The following ARMH3 variants were observed in gnomAD, a reference collection of about 807,000 sequenced individuals.
ARMH3 encodes armadillo-like helical domain-containing protein 3.
ARMH3 carries 60 observed loss-of-function variants against 99.1 expected under a neutral mutation model. That is an observed-to-expected ratio of 0.61 (90% CI 0.49 to 0.75). The LOEUF (loss-of-function observed/expected upper bound fraction) is 0.75. Among genes scored for constraint, ARMH3 ranks in the 30% least tolerant of loss-of-function variants. The probability of loss-of-function intolerance (pLI) is 0.00; values close to 1 mark genes in which losing one functional copy is unlikely to be tolerated. For missense variants in ARMH3, 679 were observed against 843.1 expected (o/e 0.81, Z 2.41); for synonymous variants, 285 against 292.8 (o/e 0.97, Z 0.27).
intron 24 of ARMH3, among the ~76,000 whole-genome samples, chr10:101,885,052 A>C (rs2067507154): frequency 6.6e-6 from 1 of 152,234 alleles, no homozygotes; most frequent in Admixed American, 6.6e-5. Flanking sequence ...TAATATGTAC[A>C]TGAAGAGATG....
chr10:101,950,054 G>A (rs1844718222), intron 22 of ARMH3, among the ~76,000 whole-genome samples: 1 of 152,102 alleles, frequency 6.6e-6, no homozygotes, highest in Non-Finnish European at 1.5e-5. Context: ...CACACTTAAT[G>A]GAGGATAACC....
chr10:101,852,045 A>C (rs2066614649), intron 24 of ARMH3, among the ~76,000 whole-genome samples: 2 of 147,864 alleles, frequency 1.4e-5, no homozygotes, highest in South Asian at 4.3e-4. Flanking sequence ...CAAGATGGAA[A>C]TCAGCCCCTA....
intron 24 of ARMH3, among the ~76,000 whole-genome samples, chr10:101,859,171 T>G (rs2066803290): frequency 6.6e-6 from 1 of 152,320 alleles, no homozygotes; most frequent in African/African-American, 2.4e-5. Context: ...GTCAGCTGCT[T>G]AACTGACCAG....
At chr10:102,025,685 C>CT (rs948540640) in intron 5 of ARMH3, among the ~76,000 whole-genome samples, 2 of 152,096 alleles carry the variant, frequency 1.3e-5, no homozygotes, top group African/African-American at 4.8e-5. Context: ...CTCACTCTGT[C>CT]TGTCAGTCAG....
At chr10:102,039,223 C>A (rs2067351181) in intron 2 of ARMH3, among the ~76,000 whole-genome samples, 1 of 152,018 alleles carries the variant, frequency 6.6e-6, no homozygotes. Flanking sequence ...CGGCTCACTG[C>A]AACCTCTGCC....
At chr10:101,886,405 G>T (rs1323968704) in intron 24 of ARMH3, among the ~76,000 whole-genome samples, 1 of 151,848 alleles carries the variant, frequency 6.6e-6, no homozygotes. Flanking sequence ...AGCTACCTGG[G>T]AGGCTGAGGC....
chr10:102,049,651 G>A (rs1301743837), intron 1 of ARMH3, among the ~76,000 whole-genome samples: 1 of 150,220 alleles, frequency 6.7e-6, no homozygotes, highest in African/African-American at 2.5e-5. Flanking sequence ...GCTCACTGCA[G>A]CCTCAGGGAT....
chr10:102,022,118 T>C (rs1439183589), intron 8 of ARMH3, among the ~76,000 whole-genome samples: 3 of 152,170 alleles, frequency 2.0e-5, no homozygotes, highest in African/African-American at 7.2e-5. Flanking sequence ...AGGTATGTAG[T>C]AGGCTATACC....
chr10:101,961,685 T>C (rs962121512), intron 20 of ARMH3, among the ~76,000 whole-genome samples: 1 of 152,134 alleles, frequency 6.6e-6, no homozygotes, highest in Non-Finnish European at 1.5e-5. Context: ...TCACCCCCTC[T>C]ACATACACAC....
At chr10:101,900,064 T>C (rs1411007832) in intron 23 of ARMH3, among the ~76,000 whole-genome samples, 1 of 152,222 alleles carries the variant, frequency 6.6e-6, no homozygotes, top group Non-Finnish European at 1.5e-5. Context: ...GTCTACTTTT[T>C]ATTAAATCTT....
At position 101,975,311 on chromosome 10, in the gene ARMH3, G is replaced by A. The variant is rs760685897; in HGVS notation, c.1407-11C>T. On this transcript the variant is annotated splice_polypyrimidine_tract_variant and intron_variant, in intron 19 of 25. Transcript: ENST00000370033. ...ACCTGGATGCAGCGTCTGTAACAGGGAAAGCAAAAAATGAGGGTAAGCCTG... is the reference window on the plus strand; with the variant it reads ...ACCTGGATGCAGCGTCTGTAACAGGAAAAGCAAAAAATGAGGGTAAGCCTG... The A allele has an allele frequency of 1.7e-5, 27 of 1,607,260 alleles. No homozygotes were observed. Among genetic ancestry groups the A allele is most frequent in the Middle Eastern group, 1.7e-4 (1 of 6,050 alleles).
In ARMH3 at chr10:101,936,415, C is replaced by A. The variant is rs1843977399; in HGVS notation, c.1781+3448G>T. On this transcript the variant is annotated intron_variant, in intron 23 of 25. Coordinates refer to ENST00000370033, the MANE Select transcript of ARMH3 (RefSeq NM_024541.3). ...GCTGAGGCAGCAGAATCACTTGAAC[C>A]TAAGAGACAGAGATTGCAGTGAGTA... Among the ~76,000 whole-genome samples, 3 of 149,970 alleles carry A rather than the reference C, an allele frequency of 2.0e-5. No homozygotes were observed. In the South Asian group the frequency reaches 6.3e-4, roughly 32 times the overall value.
chr10:101,978,666 C>T (rs924079630), intron 19 of ARMH3, among the ~76,000 whole-genome samples: 9 of 152,004 alleles, frequency 5.9e-5, no homozygotes, highest in African/African-American at 1.9e-4. Flanking sequence ...TTAGGCCAGG[C>T]GCAGTAGCTC....
intron 25 of ARMH3, among the ~76,000 whole-genome samples, chr10:101,849,211 A>T (rs943135168): frequency 1.6e-4 from 24 of 152,192 alleles, no homozygotes; most frequent in African/African-American, 5.8e-4. Context: ...TTTCTTGAGA[A>T]CAGCTCAGAG....
intron 20 of ARMH3, among the ~76,000 whole-genome samples, chr10:101,962,852 C>A (rs1417216076): frequency 6.6e-6 from 1 of 152,070 alleles, no homozygotes; most frequent in Non-Finnish European, 1.5e-5. Flanking sequence ...TATCTAGGGC[C>A]AATATCTATA....
chr10:102,036,205 A>AGGTGGGGGGTC (rs2067261448), intron 2 of ARMH3, among the ~76,000 whole-genome samples: 22 of 123,880 alleles, frequency 1.8e-4, no homozygotes, highest in East Asian at 8.0e-4. Flanking sequence ...TCCGGGAGGG[A>AGGTGGGGGGTC]AGTGGGGGGT....
At chr10:102,025,353 G>T in intron 5 of ARMH3, 105 bp from the exon 6 acceptor site, 1 of 804,644 alleles carries the variant, frequency 1.2e-6, no homozygotes, top group Non-Finnish European at 2.0e-6. Flanking sequence ...ACACAATAAA[G>T]CAACAACATC....
intron 24 of ARMH3, among the ~76,000 whole-genome samples, chr10:101,855,532 A>C (rs2135284242): frequency 6.6e-6 from 1 of 150,964 alleles, no homozygotes; most frequent in South Asian, 2.1e-4. Context: ...TGATGGAGTG[A>C]GACCCCATCT....
rs1191454711 is a variant in ARMH3 at position 102,011,803 on chromosome 10, T to C, written c.771-20A>G. On this transcript the variant is annotated intron_variant, in intron 10 of 25. Coordinates refer to ENST00000370033, the MANE Select transcript of ARMH3 (RefSeq NM_024541.3). ...TACTGCCTAAACAAAAAGAACTAAA[T>C]TCAACTTTAGGATTGTTTATCAATT... 1 of 1,589,894 alleles carries C rather than the reference T, an allele frequency of 6.3e-7. No homozygotes were observed. Among genetic ancestry groups the C allele is most frequent in the South Asian group, 1.1e-5 (1 of 88,576 alleles).
Sources: allele counts gnomAD v4.1 joint callset (sites outside exome capture counted in the v4.1 genomes callset), GRCh38; gene constraint gnomAD v4.1.1; transcripts MANE v1.5; gene names NCBI Gene and HGNC (gene_info 2026-07-23, HGNC 2026-07-21).